Variants in PCDHA1 observed in about 807,000 individuals in gnomAD.
PCDHA1 encodes protocadherin alpha-1.
Under a neutral mutation model 61.3 loss-of-function variants are expected in PCDHA1, and 42 were observed. The observed-to-expected ratio is 0.69, with a 90% confidence interval of 0.54 to 0.89. The LOEUF (loss-of-function observed/expected upper bound fraction) is 0.89, where lower values mean the gene tolerates loss of function less well. PCDHA1 is among the 40% of genes least tolerant of loss of function. The pLI, the probability that PCDHA1 is intolerant of heterozygous loss-of-function variation, is 0.00. For synonymous variants in PCDHA1, 610 were observed against 553.8 expected (o/e 1.10, Z -1.43); for missense variants, 1,256 against 1,235.3 (o/e 1.02, Z -0.25).
intron 1 of PCDHA1, among the ~76,000 whole-genome samples, chr5:140,951,706 G>A (rs2094621330): frequency 6.6e-6 from 1 of 152,060 alleles, no homozygotes; most frequent in African/African-American, 2.4e-5. Context: ...CTTTGGGCGG[G>A]GACACAGATC....
rs781982439 is a variant in PCDHA1, at chr5:140,967,345, C to G, written c.2395-11604C>G. 3 of 1,607,752 alleles carry G rather than the reference C, an allele frequency of 1.9e-6. No homozygotes were observed. The South Asian group carries it at 3.3e-5, about 18-fold the overall frequency. On this transcript the variant is annotated intron_variant, in intron 1 of 3. Coordinates refer to ENST00000504120, the MANE Select transcript of PCDHA1 (RefSeq NM_018900.4). ...ACGAGCTCAGCCCCAGCGAGCACTT[C>G]GAGCTGGACCTTAAGCCCCTGCAGG...
chr5:140,928,012 A>C, intron 1 of PCDHA1: 2 of 1,614,190 alleles, frequency 1.2e-6, no homozygotes, highest in Non-Finnish European at 1.7e-6. Context: ...TTCTAATGGT[A>C]GGGTCATTTG....
At chr5:140,876,223 T>C (rs2056212607) in intron 1 of PCDHA1, 2 of 1,613,782 alleles carry the variant, frequency 1.2e-6, no homozygotes, top group Non-Finnish European at 1.7e-6. Flanking sequence ...TAAAGTAGTG[T>C]TGTCTGAAAA....
intron 1 of PCDHA1, among the ~76,000 whole-genome samples, chr5:140,837,613 G>A (rs1775147694): frequency 6.7e-6 from 1 of 149,168 alleles, no homozygotes. Flanking sequence ...TTTATAATTT[G>A]CCCCTTCCTT....
chr5:140,977,925 A>T (rs782072280), intron 1 of PCDHA1, among the ~76,000 whole-genome samples: 4 of 152,152 alleles, frequency 2.6e-5, no homozygotes, highest in African/African-American at 7.2e-5. Context: ...TTTTCATTCA[A>T]CTATACCTCA....
In PCDHA1 at chr5:140,990,889, G is replaced by A. The variant is rs569864202; in HGVS notation, c.2542+8326G>A. Among the ~76,000 whole-genome samples, 53 of 152,284 alleles carry A rather than the reference G, an allele frequency of 3.5e-4. 2 individuals are homozygous for A. The South Asian group carries it at 8.3e-3, about 24-fold the overall frequency. Reference sequence around the variant, plus strand: ...TTTAAGTGTATGTTCCAGTGAGTGGGTCGTTGCTGGGTCAAGTTTTATAAG... The same window carrying A: ...TTTAAGTGTATGTTCCAGTGAGTGGATCGTTGCTGGGTCAAGTTTTATAAG... On this transcript the variant is annotated intron_variant, in intron 3 of 3. Transcript: ENST00000504120.
At chr5:140,843,435 G>A (rs2150359827) in intron 1 of PCDHA1, 3 of 1,596,130 alleles carry the variant, frequency 1.9e-6, no homozygotes, top group Non-Finnish European at 2.6e-6. Flanking sequence ...ATCGCCATCT[G>A]CGCGGTATCC....
rs140234108 is a variant in PCDHA1, at chr5:140,845,054, G to A, written c.2394+56370G>A. 4.2e-4 allele frequency among the ~76,000 whole-genome samples: 62 copies of A among 149,352 alleles called. 3 individuals are homozygous for A. The highest frequency in any genetic ancestry group is 7.5e-4 in the Non-Finnish European group (50 of 66,646). ...ATTTTAGCCCCCTTGTCCAACTGAA[G>A]GTAACCTCAAAGCAGCATTGTTTTG... On this transcript the variant is annotated intron_variant, in intron 1 of 3. Transcript: ENST00000504120.
At chr5:140,882,080 C>A in intron 1 of PCDHA1, 1 of 970,966 alleles carries the variant, frequency 1.0e-6, no homozygotes, top group Non-Finnish European at 1.5e-6. Flanking sequence ...CATGGTGTCG[C>A]TCTTCACTGA....
intron 1 of PCDHA1, chr5:140,884,243 C>A: frequency 6.2e-7 from 1 of 1,613,466 alleles, no homozygotes; most frequent in Non-Finnish European, 8.5e-7. Flanking sequence ...TGAGCCCGCG[C>A]TGACGGCCAC....
intron 1 of PCDHA1, among the ~76,000 whole-genome samples, chr5:140,959,030 G>A (rs1303090530): frequency 6.6e-6 from 1 of 151,776 alleles, no homozygotes; most frequent in African/African-American, 2.4e-5. Flanking sequence ...GCTTTATCAT[G>A]GGTATGTATG....
chr5:140,996,636 T>G (rs561950169), intron 3 of PCDHA1, among the ~76,000 whole-genome samples: 17 of 152,346 alleles, frequency 1.1e-4, no homozygotes, highest in Middle Eastern at 6.8e-3. Context: ...CTGCAAATTA[T>G]GTAGTTAATC....
intron 1 of PCDHA1, chr5:140,926,735 G>A (rs2083511846): frequency 1.1e-5 from 12 of 1,140,634 alleles, no homozygotes; most frequent in African/African-American, 1.6e-5. Context: ...GCGTTCGGGA[G>A]GCGCAACGTC....
chr5:141,004,809 C>A (rs1319049687), intron 3 of PCDHA1, among the ~76,000 whole-genome samples: 1 of 152,144 alleles, frequency 6.6e-6, no homozygotes. Context: ...AGCTCAATTG[C>A]AGATTTGATT....
At chr5:140,822,983 A>G (rs2150121029) in intron 1 of PCDHA1, 2 of 1,614,216 alleles carry the variant, frequency 1.2e-6, no homozygotes, top group South Asian at 1.1e-5. Context: ...TTCAAGAATT[A>G]CTACTCGTTG....
rs782133433 is a variant in PCDHA1, at chr5:140,802,580, G to T, written c.2394+13896G>T. On this transcript the variant is annotated intron_variant, in intron 1 of 3. Transcript: ENST00000504120. The stretch of plus-strand genomic sequence containing the variant: ...CGGCATTCTCGCAGTCCGAGTACAC[G>T]GTGTTCGTGAAGGAGAACAACCCGC... 4 of 1,613,812 alleles carry T rather than the reference G, an allele frequency of 2.5e-6. No homozygotes were observed. The South Asian group carries it at 3.3e-5, about 13-fold the overall frequency.
intron 1 of PCDHA1, among the ~76,000 whole-genome samples, chr5:140,789,392 T>C (rs1266592082): frequency 6.6e-6 from 1 of 152,042 alleles, no homozygotes; most frequent in Non-Finnish European, 1.5e-5. Flanking sequence ...GCAGAGGTTG[T>C]AGTGAACCGA....
intron 1 of PCDHA1, among the ~76,000 whole-genome samples, chr5:140,923,708 T>C (rs1554201570): frequency 1.3e-5 from 2 of 152,216 alleles, no homozygotes; most frequent in Non-Finnish European, 2.9e-5. Context: ...CCAATTTACT[T>C]GAATAAGAAT....
At chr5:140,830,281 C>A (rs2150184212) in intron 1 of PCDHA1, 1 of 1,613,822 alleles carries the variant, frequency 6.2e-7, no homozygotes, top group Non-Finnish European at 8.5e-7. Flanking sequence ...CCACCGAGGG[C>A]GCGTGCACGG....
Sources: allele counts gnomAD v4.1 joint callset (sites outside exome capture counted in the v4.1 genomes callset), GRCh38; gene constraint gnomAD v4.1.1; transcripts MANE v1.5; gene names NCBI Gene and HGNC (gene_info 2026-07-23, HGNC 2026-07-21).